Variants in ZNF557 observed in about 807,000 individuals in gnomAD.
ZNF557 encodes zinc finger protein 557.
A neutral mutation model predicts 21.2 loss-of-function variants in ZNF557; 19 were observed. The ratio of observed to expected loss-of-function variants is 0.90; its 90% CI spans 0.63 to 1.32. ZNF557 has a LOEUF of 1.32. Among genes scored for constraint, ZNF557 ranks in the 40% most tolerant of loss-of-function variants. ZNF557 has a pLI of 0.00. For missense variants in ZNF557, 487 were observed against 519.8 expected (o/e 0.94, Z 0.61); for synonymous variants, 207 against 194.8 (o/e 1.06, Z -0.52).
chr19:7,079,733 T>G (rs2145173018), intron 5 of ZNF557, among the ~76,000 whole-genome samples: 1 of 152,236 alleles, frequency 6.6e-6, no homozygotes, highest in Admixed American at 6.5e-5. Context: ...GCCACTGAAG[T>G]CTCTGTTCTG....
intron 2 of ZNF557, among the ~76,000 whole-genome samples, chr19:7,071,101 GAGA>G (rs1354461037): frequency 6.6e-6 from 1 of 152,124 alleles, no homozygotes. Flanking sequence ...TTATATTCAA[GAGA>G]AGGATACTAA....
In ZNF557 at chr19:7,087,641, ACTT is replaced by A. The variant is rs1977893813; in HGVS notation, c.*3901_*3903del. 6.6e-6 allele frequency: 1 copy of A among 151,956 alleles called. No homozygotes were observed. The highest frequency in any genetic ancestry group is 2.1e-4 in the South Asian group (1 of 4,820). 9.4% of individuals were successfully genotyped at this position (151,956 alleles called of 1,614,324 possible). ...TTGGCTCTGTTCTGCATATTACTAG[ACTT>A]CTTACATGATCACAAGTAACCACTA... On this transcript the variant is annotated 3_prime_UTR_variant, in exon 8 of 8. Coordinates refer to ENST00000252840, the MANE Select transcript of ZNF557 (RefSeq NM_024341.3).
rs74725322 is a variant in ZNF557 at position 7,078,012 on chromosome 19, A to T, written c.247+1505A>T. 4.6e-4 allele frequency among the ~76,000 whole-genome samples: 70 copies of T among 152,136 alleles called. 1 individual carries two copies. In the East Asian group the frequency reaches 9.3e-3, roughly 20 times the overall value. ...GGGGGGCATTGTTTGCCTTTTCGTT[A>T]TTGAGTTGTAAGAGTTCTTTATATG... On this transcript the variant is annotated intron_variant, in intron 5 of 7. Coordinates refer to ENST00000252840, the MANE Select transcript of ZNF557 (RefSeq NM_024341.3).
At chr19:7,075,575 A>G (rs1156780591) in intron 3 of ZNF557, 80 bp from the exon 4 acceptor site, 35 of 1,416,634 alleles carry the variant, frequency 2.5e-5, no homozygotes, top group Non-Finnish European at 3.3e-5. Context: ...GGTCGATCGC[A>G]GGCAGGTGGG....
intron 2 of ZNF557, among the ~76,000 whole-genome samples, chr19:7,072,799 G>A (rs1977488936): frequency 6.6e-6 from 1 of 152,184 alleles, no homozygotes; most frequent in Admixed American, 6.5e-5. Context: ...AAATGCAGCA[G>A]CAGGTCTGTG....
chr19:7,071,531 G>A (rs1207831896), intron 2 of ZNF557, among the ~76,000 whole-genome samples: 1 of 152,168 alleles, frequency 6.6e-6, no homozygotes, highest in Non-Finnish European at 1.5e-5. Context: ...AATGAAGCCA[G>A]AACGGCTATT....
chr19:7,072,980 A>C (rs1486328838), intron 2 of ZNF557, among the ~76,000 whole-genome samples: 1 of 152,036 alleles, frequency 6.6e-6, no homozygotes, highest in Non-Finnish European at 1.5e-5. Flanking sequence ...AGGAAATGCT[A>C]TGCCTGGTTT....
intron 4 of ZNF557, 110 bp from the exon 5 acceptor site, chr19:7,076,271 C>T (rs1405468905): frequency 1.2e-6 from 2 of 1,607,492 alleles, no homozygotes; most frequent in Non-Finnish European, 1.7e-6. Flanking sequence ...AATCCCCCCA[C>T]ATCTCGTGCT....
Position 7,083,264 on chromosome 19 carries a change from T to C in ZNF557, c.813T>C (p.Arg271=). 1 of 1,614,240 alleles carries C rather than the reference T, an allele frequency of 6.2e-7. No individual in the cohort carries two copies. Among genetic ancestry groups the C allele is most frequent in the Non-Finnish European group, 8.5e-7 (1 of 1,180,048 alleles). Residue 271 remains arginine (R), a synonymous_variant, in exon 8 of 8, where the codon CGT becomes CGC. Transcript: ENST00000252840. ...CGTACAAATGTAACCAGTGTTTTCG[T>C]GAGTTCCGCACTCAGTCAATCTTCA... ...EKPYKCNQCF[R]EFRTQSIFTR...
In ZNF557 at chr19:7,083,289, A is replaced by T. The variant is rs752194993; in HGVS notation, c.838A>T (p.Thr280Ser). ...FREFRTQSIFTRHKRVHTGEG... is the reference protein window; with the variant it reads ...FREFRTQSIFSRHKRVHTGEG... ...TGAGTTCCGCACTCAGTCAATCTTC[A>T]CAAGGCACAAGAGAGTTCATACGGG... Residue 280 changes from threonine to serine, a missense_variant, in exon 8 of 8, where the codon ACA becomes TCA. By Grantham distance (58) the Thr-to-Ser change is moderately conservative. Coordinates refer to ENST00000252840, the MANE Select transcript of ZNF557 (RefSeq NM_024341.3). The T allele has an allele frequency of 6.2e-7, 1 of 1,614,238 alleles. No individual in the cohort carries two copies. Among genetic ancestry groups the T allele is most frequent in the Admixed American group, 1.7e-5 (1 of 60,026 alleles).
intron 1 of ZNF557, 88 bp from the exon 2 acceptor site, chr19:7,070,474 A>G (rs989576014): frequency 6.6e-6 from 1 of 152,216 alleles, no homozygotes; most frequent in African/African-American, 2.4e-5. Context: ...CAACAACTGT[A>G]TTAGTCTCAG....
chr19:7,083,561 T>A lies in ZNF557; in HGVS notation c.1110T>A (p.His370Gln), dbSNP rs1410782336. 2 of 1,614,180 alleles carry A rather than the reference T, an allele frequency of 1.2e-6. No homozygotes were observed. Among genetic ancestry groups the A allele is most frequent in the Admixed American group, 1.7e-5 (1 of 60,018 alleles). Residue 370 changes from histidine (H) to glutamine (Q), a missense_variant, in exon 8 of 8, where the codon CAT becomes CAA. Transcript: ENST00000252840. ...CTCTTACAATTCACAGGAGAATACA[T>A]AATGGAGAGAAATCCTATGAGTGCA... is the stretch of plus-strand genomic sequence containing the variant. ...SFSLTIHRRI[H>Q]NGEKSYECSD...
chr19:7,072,115 C>CAA (rs71177148), intron 2 of ZNF557, among the ~76,000 whole-genome samples: 29 of 67,354 alleles, frequency 4.3e-4, no homozygotes, highest in Middle Eastern at 9.3e-3. Flanking sequence ...GACTCCGTCT[C>CAA]AAAAAAAAAA....
intron 5 of ZNF557, among the ~76,000 whole-genome samples, chr19:7,078,749 T>C (rs1013922446): frequency 2.6e-5 from 4 of 152,154 alleles, no homozygotes; most frequent in African/African-American, 9.7e-5. Flanking sequence ...CATATATTCC[T>C]TCTGCTCCTT....
chr19:7,078,700 G>A (rs1027555913), intron 5 of ZNF557, among the ~76,000 whole-genome samples: 3 of 152,120 alleles, frequency 2.0e-5, no homozygotes, highest in African/African-American at 7.2e-5. Context: ...CCAAAGTGCT[G>A]TAATTAGAGC....
intron 2 of ZNF557, among the ~76,000 whole-genome samples, chr19:7,074,083 C>A (rs1169786577): frequency 6.6e-6 from 1 of 150,944 alleles, no homozygotes; most frequent in African/African-American, 2.4e-5. Flanking sequence ...TCACTACAAG[C>A]TCTGCCTCCC....
Position 7,085,415 on chromosome 19 carries a change from C to G in ZNF557, c.*1671C>G, listed in dbSNP as rs1977815964. The G allele has an allele frequency of 6.6e-6, 1 of 152,206 alleles. No homozygotes were observed. The highest frequency in any genetic ancestry group is 6.5e-5 in the Admixed American group (1 of 15,270). The allele number at this position is 152,206 out of a possible 1,614,324, so 9.4% of individuals were successfully genotyped here. ...CTGGGCTCAAGTGATCCACCTGCCT[C>G]AGCCTCCCAAAATGCTGGGAATACA... On this transcript the variant is annotated 3_prime_UTR_variant, in exon 8 of 8. Transcript: ENST00000252840.
intron 7 of ZNF557, among the ~76,000 whole-genome samples, chr19:7,082,389 C>T (rs1036043936): frequency 2.0e-4 from 29 of 146,636 alleles, no homozygotes; most frequent in African/African-American, 7.1e-4. Flanking sequence ...TGCCACTGCA[C>T]TCCAGCCTGG....
intron 2 of ZNF557, among the ~76,000 whole-genome samples, chr19:7,073,955 C>T (rs941153249): frequency 5.3e-5 from 8 of 151,734 alleles, no homozygotes; most frequent in East Asian, 1.9e-4. Context: ...CTGCAGACAG[C>T]GCCTGCCCCC....
Sources: gnomAD v4.1 joint callset for allele counts (sites outside exome capture counted in the v4.1 genomes callset) on GRCh38, gnomAD v4.1.1 for gene constraint, MANE v1.5 for transcripts, NCBI Gene and HGNC (gene_info 2026-07-23, HGNC 2026-07-21) for gene names.